The following TPO variants were observed in gnomAD, a reference collection of about 807,000 sequenced individuals.
The protein encoded by TPO is thyroid peroxidase.
In TPO, 78 loss-of-function variants were observed where a neutral mutation model predicts 96.9. The ratio of observed to expected loss-of-function variants is 0.81; its 90% confidence interval spans 0.67 to 0.97. The LOEUF (loss-of-function observed/expected upper bound fraction) is 0.97. Among genes scored for constraint, TPO ranks in the 50% least tolerant of loss-of-function variants. TPO has a pLI of 0.00. For synonymous variants in TPO, 547 were observed against 538.0 expected, an observed-to-expected ratio of 1.02 and a Z score of -0.23; for missense variants, 1,252 against 1,274.8, an observed-to-expected ratio of 0.98 and a Z score of 0.27.
chr2:1,432,181 C>T (rs1665045593), intron 3 of TPO, among the ~76,000 whole-genome samples: 2 of 152,362 alleles, frequency 1.3e-5, no homozygotes, highest in Admixed American at 1.3e-4. Flanking sequence ...GCTTTGCTGC[C>T]AAAGGTGATT....
At chr2:1,506,591 T>C (rs1034253866) in intron 14 of TPO, among the ~76,000 whole-genome samples, 1 of 152,212 alleles carries the variant, frequency 6.6e-6, no homozygotes, top group East Asian at 1.9e-4. Flanking sequence ...TGGTGTGAGA[T>C]GGTATCTCAT....
intron 3 of TPO, among the ~76,000 whole-genome samples, chr2:1,423,389 G>C (rs1000960563): frequency 6.6e-6 from 1 of 152,188 alleles, no homozygotes; most frequent in African/African-American, 2.4e-5. Context: ...AGACAGTAGA[G>C]GCTGACGTCC....
intron 1 of TPO, among the ~76,000 whole-genome samples, chr2:1,403,701 C>T (rs1285271628): frequency 6.6e-6 from 1 of 152,242 alleles, no homozygotes; most frequent in Non-Finnish European, 1.5e-5. Flanking sequence ...GGTCCCGTGA[C>T]AGTCCCGAGA....
intron 1 of TPO, among the ~76,000 whole-genome samples, chr2:1,375,539 G>A (rs1055114126): frequency 3.9e-5 from 6 of 152,010 alleles, no homozygotes; most frequent in Admixed American, 1.3e-4. Flanking sequence ...GCATGTGGCC[G>A]CAATCTCGTG....
chr2:1,394,811 T>C (rs1662053811), intron 1 of TPO, among the ~76,000 whole-genome samples: 1 of 152,178 alleles, frequency 6.6e-6, no homozygotes, highest in African/African-American at 2.4e-5. Context: ...CCCTTCACAT[T>C]CTGTAGCTGG....
At chr2:1,525,824 C>T (rs1277147984) in intron 15 of TPO, among the ~76,000 whole-genome samples, 1 of 148,816 alleles carries the variant, frequency 6.7e-6, no homozygotes, top group Non-Finnish European at 1.5e-5. Flanking sequence ...GCAACCTACC[C>T]AAATGCCCCC....
chr2:1,427,078 T>C (rs1429830141), intron 3 of TPO, among the ~76,000 whole-genome samples: 1 of 152,196 alleles, frequency 6.6e-6, no homozygotes, highest in Admixed American at 6.5e-5. Context: ...AAAGGGACTT[T>C]GCTCCCAAGG....
intron 10 of TPO, among the ~76,000 whole-genome samples, chr2:1,492,569 C>T (rs1048879517): frequency 2.6e-5 from 4 of 152,168 alleles, no homozygotes; most frequent in Admixed American, 6.5e-5. Context: ...GTCTGTTTAC[C>T]ACATGGGCAT....
chr2:1,512,433 G>A (rs530863919), intron 14 of TPO: 14 of 985,420 alleles, frequency 1.4e-5, no homozygotes, highest in African/African-American at 8.7e-5. Flanking sequence ...CCCTGAGCCC[G>A]GCCCGGACCA....
At chr2:1,452,011 C>T (rs1667345795) in intron 5 of TPO, among the ~76,000 whole-genome samples, 2 of 152,086 alleles carry the variant, frequency 1.3e-5, no homozygotes, top group Admixed American at 1.3e-4. Context: ...TTGATACATT[C>T]ATTTATATAT....
intron 13 of TPO, among the ~76,000 whole-genome samples, chr2:1,499,106 AT>A (rs1672629085): frequency 6.6e-6 from 1 of 152,188 alleles, no homozygotes; most frequent in Non-Finnish European, 1.5e-5. Context: ...ACTCACAGGC[AT>A]CTTCAAGGTG....
At chr2:1,536,677 C>T (rs1259807969) in intron 15 of TPO, among the ~76,000 whole-genome samples, 1 of 99,688 alleles carries the variant, frequency 1.0e-5, no homozygotes, top group Non-Finnish European at 2.0e-5. Context: ...CCCAGATCTC[C>T]TTTCTGTGCA....
rs1680915119 is a variant in TPO at position 1,543,018 on chromosome 2, TC to T, written c.*546del. 1 of 202,302 alleles carries T rather than the reference TC, an allele frequency of 4.9e-6. No homozygotes were observed. The highest frequency in any genetic ancestry group is 2.3e-5 in the African/African-American group (1 of 42,702). The allele number at this position is 202,302 out of a possible 1,614,324, so 12.5% of individuals were successfully genotyped here. On this transcript the variant is annotated 3_prime_UTR_variant, in exon 17 of 17. Coordinates refer to ENST00000329066, the MANE Select transcript of TPO (RefSeq NM_001206744.2). ...CAACAAGGCAAAGTGACTTGTCTCATCCTCCAGAGATTCACCAACACATGAG... is the reference window on the plus strand; with the variant it reads ...CAACAAGGCAAAGTGACTTGTCTCATCTCCAGAGATTCACCAACACATGAG...
chr2:1,447,876 T>C (rs57608816), intron 5 of TPO, among the ~76,000 whole-genome samples: 47,650 of 152,018 alleles, frequency 0.31, 7,843 homozygotes, highest in Admixed American at 0.36. Flanking sequence ...CCATTATGTA[T>C]ACAATTATGA....
At chr2:1,541,896 C>G (rs1680808767) in intron 16 of TPO, 1 of 158,264 alleles carries the variant, frequency 6.3e-6, no homozygotes, top group Admixed American at 6.0e-5. Flanking sequence ...AGATCCTGTC[C>G]TCGGAGATAA....
intron 5 of TPO, among the ~76,000 whole-genome samples, chr2:1,451,057 A>C (rs1384627593): frequency 6.6e-6 from 1 of 152,180 alleles, no homozygotes; most frequent in Non-Finnish European, 1.5e-5. Context: ...CATGTCCCCA[A>C]GCCTCCTGCC....
chr2:1,512,431 C>A, intron 14 of TPO: 1 of 985,482 alleles, frequency 1.0e-6, no homozygotes, highest in Non-Finnish European at 1.2e-6. Context: ...GCCCCTGAGC[C>A]CGGCCCGGAC....
chr2:1,449,079 G>A (rs1300856522), intron 5 of TPO, among the ~76,000 whole-genome samples: 2 of 152,146 alleles, frequency 1.3e-5, no homozygotes, highest in African/African-American at 2.4e-5. Flanking sequence ...GTCCAATACA[G>A]CCTTAAAGCC....
At chr2:1,398,146 G>A (rs979575078) in intron 1 of TPO, among the ~76,000 whole-genome samples, 9 of 152,174 alleles carry the variant, frequency 5.9e-5, no homozygotes, top group East Asian at 1.9e-4. Context: ...GGATGACTCC[G>A]GTGAGGGACA....
Sources: gnomAD v4.1 joint callset for allele counts (sites outside exome capture counted in the v4.1 genomes callset) on GRCh38, gnomAD v4.1.1 for gene constraint, MANE v1.5 for transcripts, NCBI Gene and HGNC (gene_info 2026-07-23, HGNC 2026-07-21) for gene names.